The following TBRG4 variants were observed in gnomAD, a reference collection of about 807,000 sequenced individuals.
The protein encoded by TBRG4 is transforming growth factor beta regulator 4.
TBRG4 carries 43 observed loss-of-function variants against 65.6 expected under a neutral mutation model. The ratio of observed to expected loss-of-function variants is 0.66; its 90% CI spans 0.51 to 0.85. The LOEUF (loss-of-function observed/expected upper bound fraction) is 0.85. Ranked by LOEUF, TBRG4 falls within the 40% of genes least tolerant of loss-of-function variation. The pLI is 0.00. For synonymous variants in TBRG4, 366 were observed against 341.4 expected, an observed-to-expected ratio of 1.07 and a Z score of -0.79; for missense variants, 709 against 787.9, an observed-to-expected ratio of 0.90 and a Z score of 1.20.
intron 6 of TBRG4, 95 bp from the exon 7 acceptor site, chr7:45,102,586 T>G: frequency 6.6e-7 from 1 of 1,524,254 alleles, no homozygotes. Context: ...GGTCTTGGCC[T>G]GGTTGGGATG....
At position 45,101,511 on chromosome 7, in the gene TBRG4, C is replaced by A; in HGVS notation, c.1671G>T (p.Gly557=). 2 of 1,613,432 alleles carry A rather than the reference C, an allele frequency of 1.2e-6. No homozygotes were observed. Among genetic ancestry groups the A allele is most frequent in the Non-Finnish European group, 1.7e-6 (2 of 1,179,764 alleles). The change falls in exon 9 of 11, where the codon GGG becomes GGT. Residue 557 remains glycine, a synonymous_variant. Coordinates refer to ENST00000258770, the MANE Select transcript of TBRG4 (RefSeq NM_004749.4). ...GGTCCCTGGCCACCTACCTCTTAGA[C>A]CCTGGAGGTGGTGACTGGCTCCCAG... The part of the protein sequence containing the change: ...QPTGSQSPPP[G]SKRLAFLRWE...
intron 5 of TBRG4, 137 bp downstream of exon 5, chr7:45,103,962 C>T: frequency 8.0e-7 from 1 of 1,250,704 alleles, no homozygotes; most frequent in Non-Finnish European, 1.1e-6. Context: ...TCAAAATAAG[C>T]CAAAATGCAA....
At chr7:45,109,315 C>T (rs895112619) in intron 1 of TBRG4, 28 bp from the exon 2 acceptor site, 2 of 1,494,568 alleles carry the variant, frequency 1.3e-6, no homozygotes, top group Non-Finnish European at 1.8e-6. Context: ...AGAGAAGGGG[C>T]TACTACAGGG....
At chr7:45,108,792 T>G in intron 2 of TBRG4, 35 bp downstream of exon 2, 3 of 1,484,112 alleles carry the variant, frequency 2.0e-6, no homozygotes, top group Non-Finnish European at 2.7e-6. Flanking sequence ...TGTTTTCCTC[T>G]TGTCTATGCT....
rs754326829 is a variant in TBRG4, at chr7:45,101,350, A to C, written c.1702T>G (p.Phe568Val). 6.2e-7 allele frequency: 1 copy of C among 1,613,770 alleles called. No homozygotes were observed. Among genetic ancestry groups the C allele is most frequent in the Non-Finnish European group, 8.5e-7 (1 of 1,179,974 alleles). The change falls in exon 10 of 11, where the codon TTC becomes GTC. Residue 568 changes from phenylalanine to valine, a missense_variant. Transcript: ENST00000258770. The part of the protein sequence containing the change: ...SKRLAFLRWE[F>V]PNFNSRSKDL... ...TTGCTTCGGCTGTTGAAGTTGGGGA[A>C]CTCCCACCGCAAGAACGCTAGCCTG...
chr7:45,101,465 A>G (rs1229745762), intron 9 of TBRG4, 38 bp downstream of exon 9: 12 of 1,605,516 alleles, frequency 7.5e-6, no homozygotes, highest in Admixed American at 5.1e-5. Flanking sequence ...TCCAACAGCC[A>G]TGGTGCCCCC....
intron 6 of TBRG4, 78 bp downstream of exon 6, chr7:45,103,255 G>A (rs1333023765): frequency 8.0e-7 from 1 of 1,243,702 alleles, no homozygotes; most frequent in Non-Finnish European, 1.2e-6. Flanking sequence ...AGCCCGAGCT[G>A]ATCTTGGGAG....
chr7:45,105,353 C>T (rs556047094), intron 3 of TBRG4, 88 bp downstream of exon 3: 2 of 1,408,628 alleles, frequency 1.4e-6, no homozygotes, highest in African/African-American at 2.9e-5. Flanking sequence ...GCACACAACG[C>T]ACCCCTCTGC....
chr7:45,101,789 A>G, intron 8 of TBRG4, 36 bp downstream of exon 8: 1 of 1,600,668 alleles, frequency 6.2e-7, no homozygotes, highest in Admixed American at 1.7e-5. Context: ...GACTCAGGCA[A>G]TGCCAGGCCC....
rs1209242532 is a variant in TBRG4, at chr7:45,101,588, C to T, written c.1594G>A (p.Gly532Ser). 8.1e-6 allele frequency: 13 copies of T among 1,613,528 alleles called. No individual in the cohort carries two copies. Among genetic ancestry groups the T allele is most frequent in the East Asian group, 2.2e-5 (1 of 44,874 alleles). The change falls in exon 9 of 11, where the codon GGC (glycine) becomes AGC (serine). Residue 532 changes from glycine to serine, a missense_variant. Gly to Ser is a moderately conservative substitution (Grantham distance 56). Transcript: ENST00000258770. ...LDAEVLLDSD[G>S]EFLPVRDFVA... ...AAGTCCCTTACGGGCAGAAACTCGC[C>T]GTCACTGTCCAGCAGCACCTCAGCA...
At chr7:45,104,333 T>G in intron 4 of TBRG4, 77 bp from the exon 5 acceptor site, 1 of 1,601,692 alleles carries the variant, frequency 6.2e-7, no homozygotes, top group Non-Finnish European at 8.5e-7. Flanking sequence ...CACCTCAGCC[T>G]CGAGGTCTAG....
chr7:45,104,292 G>GA (rs1784865804), intron 4 of TBRG4, 36 bp from the exon 5 acceptor site: 1 of 1,612,630 alleles, frequency 6.2e-7, no homozygotes, highest in East Asian at 2.2e-5. Flanking sequence ...TTTAGCTGGA[G>GA]AGAGTCAGCA....
intron 2 of TBRG4, 78 bp from the exon 3 acceptor site, chr7:45,105,842 C>A: frequency 2.0e-6 from 3 of 1,479,090 alleles, no homozygotes; most frequent in Non-Finnish European, 2.8e-6. Flanking sequence ...CCTCTCTGAA[C>A]CTTGTTTCAT....
At position 45,100,197 on chromosome 7, in the gene TBRG4, G is replaced by A. The variant is rs72599507; in HGVS notation, c.*128C>T. The A allele has an allele frequency of 3.7e-4, 252 of 681,636 alleles. 2 individuals are homozygous for A. Among genetic ancestry groups the A allele is most frequent in the East Asian group, 2.9e-3 (104 of 36,144 alleles). 42.2% of individuals were successfully genotyped at this position (681,636 alleles called of 1,614,324 possible). On this transcript the variant is annotated 3_prime_UTR_variant, in exon 11 of 11. Transcript: ENST00000258770. ...ACAAGAGGACGTTCTGTCCCTCAGA[G>A]TGGCTGGCCACCCTCCCCACTCTGG...
chr7:45,103,494 C>CAGCCCG, intron 5 of TBRG4, 51 bp from the exon 6 acceptor site: 1 of 1,454,442 alleles, frequency 6.9e-7, no homozygotes, highest in Non-Finnish European at 9.5e-7. Flanking sequence ...CTGCCCAGCA[C>CAGCCCG]GCTGTCCTCC....
intron 6 of TBRG4, 62 bp from the exon 7 acceptor site, chr7:45,102,553 G>A: frequency 3.8e-6 from 6 of 1,571,508 alleles, no homozygotes; most frequent in Non-Finnish European, 5.1e-6. Flanking sequence ...AAATAGCCAT[G>A]GGTGAGACAC....
intron 2 of TBRG4, 107 bp from the exon 3 acceptor site, chr7:45,105,871 T>G (rs1784936877): frequency 7.8e-7 from 1 of 1,283,590 alleles, no homozygotes; most frequent in Non-Finnish European, 1.1e-6. Flanking sequence ...ACTACAACTC[T>G]TCAGAGAAGA....
chr7:45,102,610 C>A, intron 6 of TBRG4, 119 bp from the exon 7 acceptor site: 1 of 1,391,218 alleles, frequency 7.2e-7, no homozygotes, highest in East Asian at 2.3e-5. Context: ...CCAGAGGAGG[C>A]TACTAGGTAA....
Position 45,104,098 on chromosome 7 carries a change from C to A in TBRG4, c.1065+1G>T. 6.3e-7 allele frequency: 1 copy of A among 1,599,746 alleles called. No individual in the cohort carries two copies. Among genetic ancestry groups the A allele is most frequent in the Non-Finnish European group, 8.5e-7 (1 of 1,173,236 alleles). ...TGAGTTGGGGCCAGGCCCTGGCTCA[C>A]CTGGGCAAAGGCCTCAAACAGGGGC... is the stretch of plus-strand genomic sequence containing the variant. On this transcript the variant is annotated splice_donor_variant, in intron 5 of 10. Transcript: ENST00000258770. LOFTEE classifies it high-confidence loss of function.
Sources: allele counts gnomAD v4.1 joint callset, GRCh38; gene constraint gnomAD v4.1.1; transcripts MANE v1.5; gene names NCBI Gene and HGNC (gene_info 2026-07-23, HGNC 2026-07-21).